The following GUCY2D variants were observed in gnomAD, a reference collection of about 807,000 sequenced individuals.
GUCY2D encodes guanylate cyclase 2D, retinal.
In GUCY2D, 70 loss-of-function variants were observed where a neutral mutation model predicts 101.3. The observed-to-expected ratio is 0.69, with a 90% CI of 0.57 to 0.84. GUCY2D has a LOEUF of 0.84. Among genes scored for constraint, GUCY2D ranks in the 40% least tolerant of loss-of-function variants. The pLI, the probability that GUCY2D is intolerant of heterozygous loss-of-function variation, is 0.00. For synonymous variants in GUCY2D, 688 were observed against 670.7 expected (o/e 1.03, Z -0.40); for missense variants, 1,460 against 1,542.5 (o/e 0.95, Z 0.90).
rs1975847356 is a variant in GUCY2D, at chr17:8,011,332, T to C, written c.1750-812T>C. ...ATGCGGAGGTTGCAGTGACCCGAGATTGCACGACTGCAATCCAGCCTGGGT... is the reference window on the plus strand; with the variant it reads ...ATGCGGAGGTTGCAGTGACCCGAGACTGCACGACTGCAATCCAGCCTGGGT... On this transcript the variant is annotated intron_variant, in intron 8 of 19. Transcript: ENST00000254854. This position sits in a 1 kb window ranked among gnomAD's most constrained non-coding sequence, Gnocchi z 4.3. Among the ~76,000 whole-genome samples the C allele has an allele frequency of 6.6e-6, 1 of 151,628 alleles. No homozygotes were observed. The highest frequency in any genetic ancestry group is 2.1e-4 in the South Asian group (1 of 4,808).
intron 3 of GUCY2D, among the ~76,000 whole-genome samples, chr17:8,005,613 C>T (rs920144472): frequency 6.6e-6 from 1 of 152,218 alleles, no homozygotes; most frequent in Non-Finnish European, 1.5e-5. Context: ...CTTCTAACAG[C>T]TCCTTCTCTG....
intron 8 of GUCY2D, among the ~76,000 whole-genome samples, chr17:8,010,177 G>C (rs955059077): frequency 1.3e-5 from 2 of 152,062 alleles, no homozygotes; most frequent in Non-Finnish European, 2.9e-5. Context: ...TTGTAATCAA[G>C]CACCCAACAC....
At chr17:8,009,476 A>G (rs760662744) in intron 7 of GUCY2D, 30 bp from the exon 8 acceptor site, 3 of 1,466,024 alleles carry the variant, frequency 2.0e-6, no homozygotes, top group Non-Finnish European at 2.9e-6. Flanking sequence ...TAAGAGACTG[A>G]GTTCCCTACC....
At chr17:8,015,094 C>T (rs1975938595) in intron 14 of GUCY2D, 43 bp downstream of exon 14, 1 of 1,532,950 alleles carries the variant, frequency 6.5e-7, no homozygotes, top group African/African-American at 1.4e-5. Flanking sequence ...TTCAATTCAG[C>T]TTCACCAGCC....
In GUCY2D at chr17:8,003,587, C is replaced by A; in HGVS notation, c.540C>A (p.Gly180=). Residue 180 remains glycine (G), a synonymous_variant, in exon 2 of 20, where the codon GGC becomes GGA. Coordinates refer to ENST00000254854, the MANE Select transcript of GUCY2D (RefSeq NM_000180.4). ...DALYALLRAF[G]WARVALVTAP... is the part of the protein sequence containing the mutation. ...TCTACGCCCTGCTTCGCGCATTCGGCTGGGCGCGCGTGGCCCTGGTCACCG... is the reference window on the plus strand; with the variant it reads ...TCTACGCCCTGCTTCGCGCATTCGGATGGGCGCGCGTGGCCCTGGTCACCG... 1 of 1,585,246 alleles carries A rather than the reference C, an allele frequency of 6.3e-7. No individual in the cohort carries two copies. Among genetic ancestry groups the A allele is most frequent in the Non-Finnish European group, 8.5e-7 (1 of 1,172,538 alleles).
In GUCY2D at chr17:8,015,321, C is replaced by T. The variant is rs745761477; in HGVS notation, c.2770-7C>T. 47 of 1,603,368 alleles carry T rather than the reference C, an allele frequency of 2.9e-5. No homozygotes were observed. The highest frequency in any genetic ancestry group is 3.5e-5 in the Non-Finnish European group (41 of 1,179,188). On this transcript the variant is annotated splice_region_variant and splice_polypyrimidine_tract_variant and intron_variant, in intron 14 of 19. Coordinates refer to ENST00000254854, the MANE Select transcript of GUCY2D (RefSeq NM_000180.4). Reference sequence around the variant, plus strand: ...AAGAAAATTCACACAACTCCTTCTTCCCCCAGGTGGAGACAATAGGGGACG... The same window carrying T: ...AAGAAAATTCACACAACTCCTTCTTTCCCCAGGTGGAGACAATAGGGGACG...
intron 7 of GUCY2D, 62 bp downstream of exon 7, chr17:8,008,094 A>G: frequency 9.9e-7 from 1 of 1,005,290 alleles, no homozygotes; most frequent in South Asian, 1.3e-5. Flanking sequence ...CCCTGGGCAG[A>G]GGGGAGGCGC....
At chr17:8,005,005 G>A (rs1304910715) in intron 3 of GUCY2D, among the ~76,000 whole-genome samples, 4 of 152,094 alleles carry the variant, frequency 2.6e-5, no homozygotes, top group Non-Finnish European at 5.9e-5. Flanking sequence ...TCAGTGGAGA[G>A]AGGGAGGTTG....
rs372189031 is a variant in GUCY2D at position 8,012,370 on chromosome 17, G to A, written c.1956+20G>A. 9 of 1,611,362 alleles carry A rather than the reference G, an allele frequency of 5.6e-6. No homozygotes were observed. Among genetic ancestry groups the A allele is most frequent in the Non-Finnish European group, 7.6e-6 (9 of 1,178,308 alleles). Reference sequence around the variant, plus strand: ...ATCAAGGTGTGTGTCTGGGGGTGGTGGGGTGACGTCCTGGGGGCAGGGATG... The same window carrying A: ...ATCAAGGTGTGTGTCTGGGGGTGGTAGGGTGACGTCCTGGGGGCAGGGATG... On this transcript the variant is annotated intron_variant, in intron 9 of 19. Transcript: ENST00000254854.
Position 8,013,072 on chromosome 17 carries a change from A to C in GUCY2D, c.2114-31A>C. 6.2e-7 allele frequency: 1 copy of C among 1,602,702 alleles called. No individual in the cohort carries two copies. On this transcript the variant is annotated intron_variant, in intron 10 of 19. Coordinates refer to ENST00000254854, the MANE Select transcript of GUCY2D (RefSeq NM_000180.4). This position sits in a 1 kb window ranked among gnomAD's most constrained non-coding sequence, Gnocchi z 5.0. ...CTGGTGAGGGTGGGAGTCTTTCCCC[A>C]GCGGCGCCTCAGCCCCTTCCCCATC...
Position 8,013,135 on chromosome 17 carries a change from G to A in GUCY2D, c.2146G>A (p.Asp716Asn), listed in dbSNP as rs755464893. Reference protein sequence around the residue: ...QLWTAPELLRDPALERRGTLA... With the variant: ...QLWTAPELLRNPALERRGTLA... The stretch of plus-strand genomic sequence containing the variant: ...GTGGACAGCCCCGGAGCTGCTTAGG[G>A]ACCCAGCCCTGGAGCGCCGGGGAAC... Residue 716 changes from aspartate to asparagine, a missense_variant, in exon 11 of 20, where the codon GAC becomes AAC. By Grantham distance (23) the Asp-to-Asn change is conservative (BLOSUM62 1). Transcript: ENST00000254854. The surrounding 1 kb of genome is among the most constrained non-coding windows in gnomAD (Gnocchi z 5.0). 12 of 1,613,484 alleles carry A rather than the reference G, an allele frequency of 7.4e-6. No homozygotes were observed. The highest frequency in any genetic ancestry group is 1.7e-5 in the Admixed American group (1 of 59,998).
chr17:8,009,509 G>C lies in GUCY2D; in HGVS notation c.1672G>C (p.Asp558His). The C allele has an allele frequency of 1.9e-6, 3 of 1,611,212 alleles. No homozygotes were observed. The highest frequency in any genetic ancestry group is 2.5e-6 in the Non-Finnish European group (3 of 1,177,294). ...DSPNIGVYEG[D>H]RVWLKKFPGD... Reference sequence around the variant, plus strand: ...ACCCCCATCCTCTTTGCTGCAGGGAGACAGGGTTTGGCTGAAGAAATTCCC... The same window carrying C: ...ACCCCCATCCTCTTTGCTGCAGGGACACAGGGTTTGGCTGAAGAAATTCCC... The change falls in exon 8 of 20, where the codon GAC becomes CAC. Residue 558 changes from aspartate (D) to histidine (H), a missense_variant. By Grantham distance (81) the Asp-to-His change is moderately conservative. Transcript: ENST00000254854.
chr17:8,019,184 T>A (rs2151805177), intron 19 of GUCY2D, among the ~76,000 whole-genome samples: 1 of 152,312 alleles, frequency 6.6e-6, no homozygotes, highest in Non-Finnish European at 1.5e-5. Flanking sequence ...TGGACCTGAC[T>A]GTGTGGATAG....
Position 8,007,463 on chromosome 17 carries a change from A to G in GUCY2D, c.1501A>G (p.Asn501Asp), listed in dbSNP as rs1975767998. The change falls in exon 6 of 20, where the codon AAC becomes GAC. Residue 501 changes from asparagine (N) to aspartate (D), a missense_variant. Transcript: ENST00000254854. Reference sequence around the variant, plus strand: ...TCACATGCAAATGGTCTCCGGCCCCAACAAGATCATCCTGACCGTGGACGA... The same window carrying G: ...TCACATGCAAATGGTCTCCGGCCCCGACAAGATCATCCTGACCGTGGACGA... The part of the protein sequence containing the change: ...LLHMQMVSGP[N>D]KIILTVDDIT... 3 of 1,613,860 alleles carry G rather than the reference A, an allele frequency of 1.9e-6. No individual in the cohort carries two copies. The highest frequency in any genetic ancestry group is 2.5e-6 in the Non-Finnish European group (3 of 1,179,746).
Position 8,016,447 on chromosome 17 carries a change from A to G in GUCY2D, c.3229A>G (p.Ser1077Gly), listed in dbSNP as rs1249600456. The G allele has an allele frequency of 3.2e-6, 5 of 1,565,022 alleles. No homozygotes were observed. The highest frequency in any genetic ancestry group is 3.5e-6 in the Non-Finnish European group (4 of 1,155,434). The change falls in exon 19 of 20, where the codon AGC (serine) becomes GGC (glycine). Residue 1077 changes from serine to glycine, a missense_variant. This residue lies in a region of GUCY2D where 215 missense variants were observed against 227.9 expected (regional missense o/e 0.94). Coordinates refer to ENST00000254854, the MANE Select transcript of GUCY2D (RefSeq NM_000180.4). ...PKPPDLQPGS[S>G]NHGISLQEIP... is the part of the protein sequence containing the mutation. ...GCCACCGCCCCCTCCTTGCAGGTCC[A>G]GCAACCACGGCATCAGCCTGCAGGA... is the stretch of plus-strand genomic sequence containing the variant.
In GUCY2D at chr17:8,013,755, C is replaced by T; in HGVS notation, c.2264-125C>T. 2 of 764,916 alleles carry T rather than the reference C, an allele frequency of 2.6e-6. No homozygotes were observed. Among genetic ancestry groups the T allele is most frequent in the South Asian group, 1.5e-5 (1 of 65,778 alleles). The allele number at this position is 764,916 out of a possible 1,614,324, so 47.4% of individuals were successfully genotyped here. A position where few individuals can be genotyped will look rare whatever the true frequency, so the allele number is the denominator to read the frequency against. On this transcript the variant is annotated intron_variant, in intron 11 of 19. Transcript: ENST00000254854. This position sits in a 1 kb window ranked among gnomAD's most constrained non-coding sequence, Gnocchi z 5.0. ...CCCTCCACACACACACACTGAACCT[C>T]TGATGTAAAGAAACCCCTGCCAGGC...
chr17:8,007,556 G>A, intron 6 of GUCY2D, 28 bp downstream of exon 6: 2 of 1,412,078 alleles, frequency 1.4e-6, no homozygotes, highest in Non-Finnish European at 2.0e-6. Context: ...GCAGGAGCCA[G>A]TTGTCTTCTT....
rs1199244967 is a variant in GUCY2D at position 8,006,372 on chromosome 17, C to T, written c.1036C>T (p.Leu346Phe). The T allele has an allele frequency of 6.2e-7, 1 of 1,600,298 alleles. No individual in the cohort carries two copies. The highest frequency in any genetic ancestry group is 1.3e-5 in the African/African-American group (1 of 75,066). The stretch of plus-strand genomic sequence containing the variant: ...TACTCTCCTTCTCCAGGTCTCCCCA[C>T]TCTTTGGCACCATCTATGACGCGGT... ...SDLNLQQVSP[L>F]FGTIYDAVFL... Residue 346 changes from leucine to phenylalanine, a missense_variant, in exon 4 of 20, where the codon CTC (leucine) becomes TTC (phenylalanine). Coordinates refer to ENST00000254854, the MANE Select transcript of GUCY2D (RefSeq NM_000180.4).
In GUCY2D at chr17:8,002,852, G is replaced by A. The variant is rs954693331; in HGVS notation, c.-10+118G>A. On this transcript the variant is annotated intron_variant, in intron 1 of 19. Transcript: ENST00000254854. The surrounding 1 kb of genome is among the most constrained non-coding windows in gnomAD (Gnocchi z 4.9). ...GCAGGCCGGGTGGGAGCGGGAAGCC[G>A]GGGCGGCAGAAGGGGGCTTCGGGGC... 3 of 539,944 alleles carry A rather than the reference G, an allele frequency of 5.6e-6. No individual in the cohort carries two copies. Among genetic ancestry groups the A allele is most frequent in the East Asian group, 6.9e-5 (2 of 29,008 alleles). 33.4% of individuals were successfully genotyped at this position (539,944 alleles called of 1,614,324 possible).
Sources: gnomAD v4.1 joint callset for allele counts (sites outside exome capture counted in the v4.1 genomes callset) on GRCh38, gnomAD v4.1.1 for gene constraint, gnomAD v4.1.1 regional missense constraint, Gnocchi (gnomAD v3.1) non-coding constraint, MANE v1.5 for transcripts, NCBI Gene and HGNC (gene_info 2026-07-23, HGNC 2026-07-21) for gene names.